RYR3: variants seen among roughly 807,000 people sequenced by gnomAD.
RYR3 encodes brain ryanodine receptor-calcium release channel.
A neutral mutation model predicts 584.3 loss-of-function variants in RYR3; 207 were observed. The ratio of observed to expected loss-of-function variants is 0.35; its 90% CI spans 0.32 to 0.40. The LOEUF is 0.40. RYR3 is among the 10% of genes least tolerant of loss of function. The probability of loss-of-function intolerance (pLI) is 1.00; values close to 1 mark genes in which losing one functional copy is unlikely to be tolerated. For missense variants in RYR3, 5,616 were observed against 6,089.2 expected (o/e 0.92, Z 2.59); for synonymous variants, 2,416 against 2,248.5 (o/e 1.07, Z -2.11).
intron 38 of RYR3, among the ~76,000 whole-genome samples, chr15:33,681,273 G>C (rs2064588811): frequency 6.6e-6 from 1 of 152,190 alleles, no homozygotes; most frequent in African/African-American, 2.4e-5. Flanking sequence ...GAGTACGTTA[G>C]TTTTCTACTG....
intron 43 of RYR3, among the ~76,000 whole-genome samples, chr15:33,707,259 G>A (rs1035008774): frequency 4.6e-5 from 7 of 152,168 alleles, no homozygotes; most frequent in Non-Finnish European, 7.3e-5. Context: ...AAAGAGTAGA[G>A]TCCAGTGAAC....
At chr15:33,337,934 ATTTTTTTTTTTT>A (rs199625940) in intron 1 of RYR3, among the ~76,000 whole-genome samples, 2 of 113,550 alleles carry the variant, frequency 1.8e-5, no homozygotes, top group Admixed American at 2.0e-4. Context: ...ATTTTAGGAG[ATTTTTTTTTTTT>A]TTTTTTTTTT....
chr15:33,482,909 T>C (rs1433164162), intron 2 of RYR3, among the ~76,000 whole-genome samples: 1 of 152,222 alleles, frequency 6.6e-6, no homozygotes, highest in East Asian at 1.9e-4. Flanking sequence ...CAACTACTTA[T>C]ATGTTAGATT....
intron 38 of RYR3, among the ~76,000 whole-genome samples, chr15:33,689,366 T>TA (rs74435971): frequency 2.0e-5 from 3 of 151,790 alleles, no homozygotes; most frequent in East Asian, 1.9e-4. Flanking sequence ...AACTTAAATT[T>TA]AAAAAAAAAA....
Position 33,728,287 on chromosome 15 carries a change from A to T in RYR3, c.7034-570A>T, listed in dbSNP as rs118069640. On this transcript the variant is annotated intron_variant, in intron 46 of 103. Coordinates refer to ENST00000634891, the MANE Select transcript of RYR3 (RefSeq NM_001036.6). ...GAAAATGGACATGGCACACCATTAG[A>T]TTGTATTCCTAACACACAAATACAA... Among the ~76,000 whole-genome samples, 405 of 152,322 alleles carry T rather than the reference A, an allele frequency of 2.7e-3. 12 individuals are homozygous for T. In the East Asian group the frequency reaches 0.055, roughly 21 times the overall value.
At chr15:33,710,725 C>G (rs971972691) in intron 43 of RYR3, among the ~76,000 whole-genome samples, 2 of 152,222 alleles carry the variant, frequency 1.3e-5, no homozygotes, top group African/African-American at 4.8e-5. Flanking sequence ...TCCACTGTTG[C>G]ATTTTGCATA....
chr15:33,633,756 T>C (rs1454570020), intron 24 of RYR3, among the ~76,000 whole-genome samples: 1 of 152,108 alleles, frequency 6.6e-6, no homozygotes, highest in African/African-American at 2.4e-5. Flanking sequence ...TCACTACAAT[T>C]GTCCCTATTG....
intron 47 of RYR3, among the ~76,000 whole-genome samples, chr15:33,729,304 C>T (rs190127794): frequency 2.3e-4 from 35 of 152,146 alleles, no homozygotes; most frequent in Admixed American, 1.3e-3. Context: ...CATTGTAGAA[C>T]GTGTAGCAAC....
intron 1 of RYR3, among the ~76,000 whole-genome samples, chr15:33,358,743 C>A (rs56046344): frequency 6.6e-6 from 1 of 151,530 alleles, no homozygotes; most frequent in Non-Finnish European, 1.5e-5. Flanking sequence ...AGCGCCTTAG[C>A]GGTAGTTAAA....
chr15:33,680,774 GA>G (rs1040350419), intron 38 of RYR3, among the ~76,000 whole-genome samples: 1 of 152,226 alleles, frequency 6.6e-6, no homozygotes, highest in Non-Finnish European at 1.5e-5. Context: ...GTTCTGTTAA[GA>G]AGGAAGAAGA....
chr15:33,639,882 A>G (rs994770375), intron 27 of RYR3, among the ~76,000 whole-genome samples: 3 of 151,472 alleles, frequency 2.0e-5, no homozygotes, highest in African/African-American at 4.8e-5. Context: ...AGTATCTGAG[A>G]GCTCAGAAGC....
chr15:33,844,909 A>T lies in RYR3; in HGVS notation c.13344A>T (p.Leu4448=). The T allele has an allele frequency of 1.9e-6, 3 of 1,614,032 alleles. No individual in the cohort carries two copies. The highest frequency in any genetic ancestry group is 2.5e-6 in the Non-Finnish European group (3 of 1,179,896). ...LEEETEDVAN[L]WNSFNDEEEE... ...AAGAGACAGAGGATGTTGCAAACCT[A>T]TGGAATTCCTTTAATGACGAGGAAG... The change falls in exon 93 of 104, where the codon CTA becomes CTT. Residue 4448 remains leucine (L), a synonymous_variant. Transcript: ENST00000634891.
intron 60 of RYR3, among the ~76,000 whole-genome samples, chr15:33,768,182 T>C (rs2073259066): frequency 6.6e-6 from 1 of 152,222 alleles, no homozygotes; most frequent in African/African-American, 2.4e-5. Flanking sequence ...ACCTGAACCA[T>C]TAACACTTTT....
At chr15:33,776,506 TC>T (rs1162183784) in intron 64 of RYR3, among the ~76,000 whole-genome samples, 4 of 152,222 alleles carry the variant, frequency 2.6e-5, no homozygotes, top group South Asian at 4.1e-4. Flanking sequence ...GTTTTCTACT[TC>T]ATGCTTTAAA....
intron 60 of RYR3, among the ~76,000 whole-genome samples, chr15:33,766,673 T>C: frequency 6.6e-6 from 1 of 152,230 alleles, no homozygotes; most frequent in East Asian, 1.9e-4. Flanking sequence ...TTCAAATCCA[T>C]CAGTGTGCTT....
chr15:33,857,946 C>CCCACTG (rs2079873160), intron 99 of RYR3, 32 bp downstream of exon 99: 1 of 1,610,322 alleles, frequency 6.2e-7, no homozygotes, highest in Non-Finnish European at 8.5e-7. Flanking sequence ...GGCCAGCCCA[C>CCCACTG]CCACTGCGGG....
At chr15:33,387,845 G>A (rs989463176) in intron 1 of RYR3, among the ~76,000 whole-genome samples, 55 of 152,174 alleles carry the variant, frequency 3.6e-4, no homozygotes, top group African/African-American at 1.2e-3. Flanking sequence ...TTTGAGGCAG[G>A]TATAATAGAG....
In RYR3 at chr15:33,644,353, G is replaced by A. The variant is rs377298605; in HGVS notation, c.3599G>A (p.Arg1200His). The change falls in exon 28 of 104, where the codon CGC becomes CAC. Residue 1200 changes from arginine to histidine, a missense_variant. By Grantham distance (29) the Arg-to-His change is conservative (BLOSUM62 0). Transcript: ENST00000634891. ...TGTCTGGGTCTATCTCAGATCGGCC[G>A]CATGAATCTCGGGACAGATGCCAGT... is the stretch of plus-strand genomic sequence containing the variant. ...ICCLGLSQIG[R>H]MNLGTDASTF... 4.3e-5 allele frequency: 70 copies of A among 1,612,664 alleles called. No individual in the cohort carries two copies. Among genetic ancestry groups the A allele is most frequent in the African/African-American group, 3.9e-4 (29 of 74,888 alleles).
chr15:33,808,212 C>T (rs527653010), intron 70 of RYR3, among the ~76,000 whole-genome samples: 3 of 152,180 alleles, frequency 2.0e-5, no homozygotes, highest in African/African-American at 4.8e-5. Flanking sequence ...GGAGCCCAGG[C>T]GAGATAGACT....
Sources: allele counts gnomAD v4.1 joint callset (sites outside exome capture counted in the v4.1 genomes callset), GRCh38; gene constraint gnomAD v4.1.1; transcripts MANE v1.5; gene names NCBI Gene and HGNC (gene_info 2026-07-23, HGNC 2026-07-21).